Variants in KIAA1671 observed in about 807,000 individuals in gnomAD.
KIAA1671 encodes uncharacterized protein KIAA1671.
A neutral mutation model predicts 131.2 loss-of-function variants in KIAA1671; 52 were observed. The observed-to-expected ratio is 0.40, with a 90% CI of 0.32 to 0.50. The LOEUF (loss-of-function observed/expected upper bound fraction) is 0.50. KIAA1671 is among the 20% of genes least tolerant of loss of function. KIAA1671 has a pLI of 0.73. For missense variants in KIAA1671, 2,360 were observed against 2,364.2 expected, an observed-to-expected ratio of 1.00 and a Z score of 0.04; for synonymous variants, 1,003 against 961.6, an observed-to-expected ratio of 1.04 and a Z score of -0.80.
At chr22:25,184,891 G>C in intron 10 of KIAA1671, 86 bp from the exon 11 acceptor site, 1 of 1,494,112 alleles carries the variant, frequency 6.7e-7, no homozygotes, top group South Asian at 1.2e-5. Context: ...GTTTGCAGAA[G>C]GCTCATTGTA....
intron 1 of KIAA1671, among the ~76,000 whole-genome samples, chr22:24,964,875 T>G (rs1922213001): frequency 6.6e-6 from 1 of 152,130 alleles, no homozygotes; most frequent in Non-Finnish European, 1.5e-5. Flanking sequence ...TCTGAATCAC[T>G]CCTGTTGGTG....
intron 6 of KIAA1671, among the ~76,000 whole-genome samples, chr22:25,153,603 C>T (rs998451292): frequency 8.5e-5 from 13 of 152,194 alleles, no homozygotes; most frequent in African/African-American, 2.7e-4. Flanking sequence ...CAGTAGAACC[C>T]GCCTCACGGT....
At chr22:24,991,142 C>T (rs1034745407) in intron 1 of KIAA1671, among the ~76,000 whole-genome samples, 1 of 152,170 alleles carries the variant, frequency 6.6e-6, no homozygotes, top group Non-Finnish European at 1.5e-5. Flanking sequence ...GCCTCAGCCT[C>T]CTGAGTAGCT....
chr22:25,093,697 A>G (rs1930137167), intron 6 of KIAA1671, among the ~76,000 whole-genome samples: 1 of 62,292 alleles, frequency 1.6e-5, no homozygotes, highest in African/African-American at 2.1e-4. Context: ...ACACACACAC[A>G]CACACACACA....
chr22:25,183,193 T>C (rs1934350434), intron 10 of KIAA1671, among the ~76,000 whole-genome samples: 1 of 152,222 alleles, frequency 6.6e-6, no homozygotes, highest in South Asian at 2.1e-4. Flanking sequence ...GAATTGTTGG[T>C]GGAATTTCTC....
rs1228758390 is a variant in KIAA1671, at chr22:25,025,713, T to C, written c.-127T>C. On this transcript the variant is annotated 5_prime_UTR_variant, in exon 2 of 13. Transcript: ENST00000358431. Reference sequence around the variant, plus strand: ...CCATGGAAGTGTGTGGACAGCCCCATTCATGATGACATGTGACACTACTGG... The same window carrying C: ...CCATGGAAGTGTGTGGACAGCCCCACTCATGATGACATGTGACACTACTGG... 6.6e-6 allele frequency: 1 copy of C among 152,190 alleles called. No individual in the cohort carries two copies. Among genetic ancestry groups the C allele is most frequent in the East Asian group, 1.9e-4 (1 of 5,186 alleles). 9.4% of individuals were successfully genotyped at this position (152,190 alleles called of 1,614,324 possible). A position where few individuals can be genotyped will look rare whatever the true frequency, so the allele number is the denominator to read the frequency against.
intron 1 of KIAA1671, among the ~76,000 whole-genome samples, chr22:24,990,778 A>C (rs1923794463): frequency 6.6e-6 from 1 of 151,974 alleles, no homozygotes. Flanking sequence ...TTCCTGCCAG[A>C]GGCTGGAGGC....
At chr22:25,117,464 G>T (rs1055355033) in intron 6 of KIAA1671, among the ~76,000 whole-genome samples, 3 of 151,948 alleles carry the variant, frequency 2.0e-5, no homozygotes, top group Non-Finnish European at 4.4e-5. Context: ...ATTAAACATC[G>T]GCCCCAGAGC....
chr22:25,084,185 CTG>C (rs1459798876), intron 6 of KIAA1671, among the ~76,000 whole-genome samples: 1 of 152,176 alleles, frequency 6.6e-6, no homozygotes, highest in African/African-American at 2.4e-5. Flanking sequence ...CCAGTGGCTC[CTG>C]TGTGTATAGA....
intron 1 of KIAA1671, among the ~76,000 whole-genome samples, chr22:25,001,273 A>G (rs1286661191): frequency 6.6e-6 from 1 of 151,904 alleles, no homozygotes; most frequent in Middle Eastern, 3.4e-3. Flanking sequence ...ATATATATGC[A>G]TGTGTATGTG....
At chr22:25,034,850 G>A (rs1279801520) in intron 4 of KIAA1671, among the ~76,000 whole-genome samples, 2 of 151,956 alleles carry the variant, frequency 1.3e-5, no homozygotes, top group Non-Finnish European at 2.9e-5. Flanking sequence ...CCATTCTCCT[G>A]CCTCAGCCTC....
In KIAA1671 at chr22:25,040,650, C is replaced by A; in HGVS notation, c.3520C>A (p.Pro1174Thr). The A allele has an allele frequency of 6.4e-7, 1 of 1,552,050 alleles. No individual in the cohort carries two copies. The stretch of plus-strand genomic sequence containing the variant: ...TCTGAGGAGTCGTCCAAAAGATCTT[C>A]CTGTGAGAAGGAAGACTGATGTGAT... ...PTLRSRPKDL[P>T]VRRKTDVISD... is the part of the protein sequence containing the mutation. Residue 1174 changes from proline to threonine, a missense_variant, in exon 5 of 13, where the codon CCT becomes ACT. Pro to Thr is a conservative substitution (Grantham distance 38, BLOSUM62 -1). Around this residue, in one of 3 missense-constraint regions of KIAA1671, gnomAD observed 1,161 missense variants for 1,204.7 expected, o/e 0.96. Transcript: ENST00000358431.
chr22:25,009,883 C>G (rs1021668927), intron 1 of KIAA1671: 2 of 152,284 alleles, frequency 1.3e-5, no homozygotes, highest in Non-Finnish European at 2.9e-5. Context: ...CATGCCTGGC[C>G]CCTTCCCTAC....
intron 6 of KIAA1671, among the ~76,000 whole-genome samples, chr22:25,142,971 G>A (rs11913524): frequency 0.058 from 8,886 of 152,324 alleles, 835 homozygotes; most frequent in African/African-American, 0.2. Context: ...CCCCAGCTGC[G>A]CTTCCGTTCT....
chr22:25,093,844 C>CTCTCTCTCTG (rs1930257197), intron 6 of KIAA1671, among the ~76,000 whole-genome samples: 2 of 90,616 alleles, frequency 2.2e-5, no homozygotes, highest in Non-Finnish European at 4.8e-5. Flanking sequence ...GTCTGTCTCT[C>CTCTCTCTCTG]TCTCTCTCTC....
intron 1 of KIAA1671, among the ~76,000 whole-genome samples, chr22:24,963,028 G>C (rs901715239): frequency 2.0e-5 from 3 of 152,076 alleles, no homozygotes; most frequent in African/African-American, 7.2e-5. Flanking sequence ...AGGTTTATGA[G>C]TATCCGCAGG....
rs1272802833 is a variant in KIAA1671 at position 25,078,148 on chromosome 22, C to G, written c.4530+28784C>G. 2.6e-5 allele frequency among the ~76,000 whole-genome samples: 4 copies of G among 152,206 alleles called. No individual in the cohort carries two copies. In the South Asian group the frequency reaches 6.2e-4, roughly 24 times the overall value. On this transcript the variant is annotated intron_variant, in intron 6 of 12. Transcript: ENST00000358431. ...CTAATTTGATGACTACATGCAGTCTCTGTCAGGCAGGGAGGTTGCTTGTGT... is the reference window on the plus strand; with the variant it reads ...CTAATTTGATGACTACATGCAGTCTGTGTCAGGCAGGGAGGTTGCTTGTGT...
chr22:24,959,096 G>C (rs181923701), intron 1 of KIAA1671, among the ~76,000 whole-genome samples: 1 of 151,896 alleles, frequency 6.6e-6, no homozygotes, highest in African/African-American at 2.4e-5. Context: ...TCAGGAGTTC[G>C]ATGCTGCAGT....
intron 6 of KIAA1671, among the ~76,000 whole-genome samples, chr22:25,109,178 C>T (rs550641066): frequency 1.3e-5 from 2 of 151,888 alleles, no homozygotes; most frequent in East Asian, 1.9e-4. Context: ...GGTGTGATCT[C>T]AGCTCACTGC....
Sources: allele counts gnomAD v4.1 joint callset (sites outside exome capture counted in the v4.1 genomes callset), GRCh38; gene constraint gnomAD v4.1.1; regional missense constraint gnomAD v4.1.1; transcripts MANE v1.5; gene names NCBI Gene and HGNC (gene_info 2026-07-23, HGNC 2026-07-21).